Variants in GRAMD1A observed in about 807,000 individuals in gnomAD.
GRAMD1A encodes the protein GRAM domain containing 1A.
GRAMD1A carries 50 observed loss-of-function variants against 92.0 expected under a neutral mutation model. The ratio of observed to expected loss-of-function variants is 0.54; its 90% CI spans 0.43 to 0.69. The LOEUF is 0.69. GRAMD1A is among the 30% of genes least tolerant of loss of function. The pLI is 0.00. For missense variants in GRAMD1A, 819 were observed against 978.9 expected (o/e 0.84, Z 2.18); for synonymous variants, 405 against 403.6 (o/e 1.00, Z -0.04).
intron 1 of GRAMD1A, among the ~76,000 whole-genome samples, chr19:35,006,542 T>C (rs1486961352): frequency 6.6e-6 from 1 of 152,158 alleles, no homozygotes. Context: ...ATCCCCACAG[T>C]CCTTATTACA....
chr19:35,026,441 G>C lies in GRAMD1A; in HGVS notation c.*300G>C, dbSNP rs534542163. 1 of 383,918 alleles carries C rather than the reference G, an allele frequency of 2.6e-6. No individual in the cohort carries two copies. Among genetic ancestry groups the C allele is most frequent in the Non-Finnish European group, 4.7e-6 (1 of 211,024 alleles). 23.8% of individuals were successfully genotyped at this position (383,918 alleles called of 1,614,324 possible). A position where few individuals can be genotyped will look rare whatever the true frequency, so the allele number is the denominator to read the frequency against. On this transcript the variant is annotated 3_prime_UTR_variant, in exon 20 of 20. Coordinates refer to ENST00000317991, the MANE Select transcript of GRAMD1A (RefSeq NM_020895.5). ...TAATGTATTATATTTATTTGGGGCC[G>C]ACAGTGCCCCAATAAAGGGTCAGAA...
chr19:35,019,376 G>T lies in GRAMD1A; in HGVS notation c.1333-15G>T. The T allele has an allele frequency of 6.2e-7, 1 of 1,613,616 alleles. No individual in the cohort carries two copies. The highest frequency in any genetic ancestry group is 8.5e-7 in the Non-Finnish European group (1 of 1,179,884). On this transcript the variant is annotated splice_polypyrimidine_tract_variant and intron_variant, in intron 12 of 19. Transcript: ENST00000317991. ...GAGTGGGGTGGCCCTGACTTCTCCG[G>T]CTCTGTCCCTGCAGACGCTGTTCCG... is the stretch of plus-strand genomic sequence containing the variant.
At chr19:35,009,045 C>T (rs1448510499) in intron 1 of GRAMD1A, 74 bp from the exon 2 acceptor site, 7 of 992,780 alleles carry the variant, frequency 7.1e-6, no homozygotes, top group Non-Finnish European at 1.1e-5. Context: ...GGGTGGGCCT[C>T]TGAAAATAGG....
chr19:35,000,262 G>A (rs529503435), upstream of GRAMD1A: 363 of 1,027,072 alleles, frequency 3.5e-4, 2 homozygotes, highest in South Asian at 8.5e-3. The surrounding 1 kb of genome is among the most constrained non-coding windows in gnomAD (Gnocchi z 4.9). Flanking sequence ...GCCGTGACGC[G>A]GCGGGGCGGG....
In GRAMD1A at chr19:35,019,606, C is replaced by T. The variant is rs2015904245; in HGVS notation, c.1475+73C>T. On this transcript the variant is annotated intron_variant, in intron 13 of 19. Transcript: ENST00000317991. ...GCCTCCTGTCCACTCCTCAAGTCAG[C>T]AGCAGAGCCTTGGTTCCCACCCTGG... is the stretch of plus-strand genomic sequence containing the variant. The T allele has an allele frequency of 1.7e-5, 24 of 1,429,900 alleles. No individual in the cohort carries two copies. The South Asian group carries it at 2.3e-4, about 14-fold the overall frequency. The allele number at this position is 1,429,900 out of a possible 1,614,324, so 88.6% of individuals were successfully genotyped here.
intron 1 of GRAMD1A, among the ~76,000 whole-genome samples, chr19:35,004,209 C>T (rs55739465): frequency 0.092 from 13,983 of 152,108 alleles, 691 homozygotes; most frequent in East Asian, 0.15. Context: ...TCCTTGAGCC[C>T]AGGAGTTCGG....
At chr19:34,995,009 C>A (rs936189653) in intron 1 of GRAMD1A, among the ~76,000 whole-genome samples, 1 of 152,228 alleles carries the variant, frequency 6.6e-6, no homozygotes, top group Non-Finnish European at 1.5e-5. Context: ...CTGGCCTCCC[C>A]AGACCCAGGC....
At chr19:35,012,467 T>C (rs1212550838) in intron 7 of GRAMD1A, among the ~76,000 whole-genome samples, 1 of 152,244 alleles carries the variant, frequency 6.6e-6, no homozygotes, top group Non-Finnish European at 1.5e-5. Flanking sequence ...GTCATCACTG[T>C]CATTCAGCCA....
chr19:35,022,595 T>G (rs1341272025), intron 16 of GRAMD1A, among the ~76,000 whole-genome samples: 1 of 117,094 alleles, frequency 8.5e-6, no homozygotes, highest in Non-Finnish European at 1.8e-5. Context: ...CCTGAGAGAG[T>G]GGAGACCGCG....
upstream of GRAMD1A, chr19:35,000,060 G>T (rs1433703889): frequency 2.0e-6 from 2 of 986,638 alleles, no homozygotes; most frequent in African/African-American, 3.5e-5. The surrounding 1 kb of genome is among the most constrained non-coding windows in gnomAD (Gnocchi z 4.9). Flanking sequence ...GGTACTAGGG[G>T]AGGGGGCTCC....
Position 35,011,557 on chromosome 19 carries a change from G to A in GRAMD1A, c.606+3G>A. 1 of 1,606,972 alleles carries A rather than the reference G, an allele frequency of 6.2e-7. No individual in the cohort carries two copies. Among genetic ancestry groups the A allele is most frequent in the South Asian group, 1.1e-5 (1 of 91,004 alleles). On this transcript the variant is annotated splice_donor_region_variant and intron_variant, in intron 7 of 19. Coordinates refer to ENST00000317991, the MANE Select transcript of GRAMD1A (RefSeq NM_020895.5). ...GGCAGAATGCACTGCTTGAAAAGGT[G>A]GGCCTGGGTGAGGCCCGGGTGGGGA...
At chr19:34,998,186 G>A (rs1482853786), upstream of GRAMD1A, 3 of 151,430 alleles carry the variant, frequency 2.0e-5, no homozygotes, top group African/African-American at 7.3e-5. Flanking sequence ...GCCTTTGGTT[G>A]TAAGTGTAAT....
At position 35,019,166 on chromosome 19, in the gene GRAMD1A, C is replaced by T. The variant is rs370254087; in HGVS notation, c.1214-25C>T. The T allele has an allele frequency of 2.0e-5, 30 of 1,503,712 alleles. 1 individual carries two copies. The highest frequency in any genetic ancestry group is 2.7e-5 in the Non-Finnish European group (29 of 1,086,720). The allele number at this position is 1,503,712 out of a possible 1,614,324, so 93.1% of individuals were successfully genotyped here. ...GGGCAAAGGACTGGGGTGTGGCCTC[C>T]TCATGCTGCTCCTCCCTCCTCTAGA... On this transcript the variant is annotated intron_variant, in intron 11 of 19. Coordinates refer to ENST00000317991, the MANE Select transcript of GRAMD1A (RefSeq NM_020895.5).
At position 35,021,735 on chromosome 19, in the gene GRAMD1A, G is replaced by A. The variant is rs750130929; in HGVS notation, c.1624G>A (p.Gly542Arg). 92 of 1,613,824 alleles carry A rather than the reference G, an allele frequency of 5.7e-5. No homozygotes were observed. The highest frequency in any genetic ancestry group is 8.9e-5 in the East Asian group (4 of 44,904). The part of the protein sequence containing the change: ...KAEKLSLEEG[G>R]KDARGLLSGL... The stretch of plus-strand genomic sequence containing the variant: ...TGAGAAGCTGTCTCTGGAGGAAGGC[G>A]GGAAGGATGCCCGGGGCTTGCTATC... The change falls in exon 15 of 20, where the codon GGG becomes AGG. Residue 542 changes from glycine (G) to arginine (R), a missense_variant. Coordinates refer to ENST00000317991, the MANE Select transcript of GRAMD1A (RefSeq NM_020895.5). This position sits in a 1 kb window ranked among gnomAD's most constrained non-coding sequence, Gnocchi z 5.3.
In GRAMD1A at chr19:35,014,344, A is replaced by G. The variant is rs767659914; in HGVS notation, c.1026A>G (p.Leu342=). The G allele has an allele frequency of 1.9e-6, 3 of 1,614,134 alleles. No individual in the cohort carries two copies. Among genetic ancestry groups the G allele is most frequent in the South Asian group, 1.1e-5 (1 of 91,080 alleles). ...GPLDLLPSEE[L]LTDTSNSSSS... is the part of the protein sequence containing the mutation. ...TGGATCTGCTGCCCAGTGAGGAGCTATTGACAGACACAAGTAACTCCTCTT... is the reference window on the plus strand; with the variant it reads ...TGGATCTGCTGCCCAGTGAGGAGCTGTTGACAGACACAAGTAACTCCTCTT... Residue 342 remains leucine, a synonymous_variant, in exon 10 of 20, where the codon CTA becomes CTG. Transcript: ENST00000317991.
chr19:35,003,463 G>A (rs777302175), intron 1 of GRAMD1A, among the ~76,000 whole-genome samples: 1 of 152,116 alleles, frequency 6.6e-6, no homozygotes, highest in Non-Finnish European at 1.5e-5. Context: ...TGGTTGGGCA[G>A]CCGCAGGGTC....
At chr19:35,010,400 G>A (rs753440845) in intron 6 of GRAMD1A, 21 bp downstream of exon 6, 10 of 1,512,188 alleles carry the variant, frequency 6.6e-6, no homozygotes, top group South Asian at 2.2e-5. Flanking sequence ...ACCCGGTGAC[G>A]GGACCACGCG....
At chr19:35,011,905 A>G (rs2015270339) in intron 7 of GRAMD1A, among the ~76,000 whole-genome samples, 1 of 152,152 alleles carries the variant, frequency 6.6e-6, no homozygotes, top group Non-Finnish European at 1.5e-5. Flanking sequence ...CCCCAGCCCC[A>G]TCCTCCGGCT....
At chr19:34,999,700 C>A (rs982842715), upstream of GRAMD1A, among the ~76,000 whole-genome samples, 6 of 152,232 alleles carry the variant, frequency 3.9e-5, no homozygotes, top group Non-Finnish European at 8.8e-5. Flanking sequence ...TAGTGGGACT[C>A]CCAGCACTGG....
Sources: gnomAD v4.1 joint callset for allele counts (sites outside exome capture counted in the v4.1 genomes callset) on GRCh38, gnomAD v4.1.1 for gene constraint, Gnocchi (gnomAD v3.1) non-coding constraint, MANE v1.5 for transcripts, NCBI Gene and HGNC (gene_info 2026-07-23, HGNC 2026-07-21) for gene names.